Variants in ROBO2 observed in about 807,000 individuals in gnomAD.
ROBO2 encodes the protein roundabout homolog 2.
In ROBO2, 53 loss-of-function variants were observed where a neutral mutation model predicts 160.8. That is an observed-to-expected ratio of 0.33 (90% CI 0.26 to 0.41). The LOEUF is 0.41. Ranked by LOEUF, ROBO2 falls within the 10% of genes least tolerant of loss-of-function variation. ROBO2 has a pLI of 1.00. For missense variants in ROBO2, 1,577 were observed against 1,722.4 expected (o/e 0.92, Z 1.49); for synonymous variants, 664 against 611.7 (o/e 1.09, Z -1.26).
chr3:76,875,810 C>G (rs2072651889), intron 2 of ROBO2, among the ~76,000 whole-genome samples: 1 of 152,068 alleles, frequency 6.6e-6, no homozygotes, highest in Admixed American at 6.6e-5. Context: ...CCTGCTACCA[C>G]ATCCTGTTAA....
In ROBO2 at chr3:75,974,793, T is replaced by A. The variant is rs573561219; in HGVS notation, c.109+37191T>A. 8.6e-4 allele frequency among the ~76,000 whole-genome samples: 130 copies of A among 151,692 alleles called. 1 individual carries two copies. The highest frequency in any genetic ancestry group is 3.0e-3 in the African/African-American group (124 of 41,494). On this transcript the variant is annotated intron_variant, in intron 2 of 26. Transcript: ENST00000487694. ...GAGGCAGTTTTGAGAGGCTAAAATA[T>A]GTAGATACATTTACTTTCACAACTT...
intron 2 of ROBO2, among the ~76,000 whole-genome samples, chr3:76,938,801 C>T (rs1255144454): frequency 3.9e-5 from 6 of 151,982 alleles, no homozygotes; most frequent in Non-Finnish European, 7.4e-5. Flanking sequence ...GAAACCCCGT[C>T]TCTACTAAAA....
chr3:77,501,001 A>G (rs1281124326), intron 5 of ROBO2, among the ~76,000 whole-genome samples: 1 of 152,206 alleles, frequency 6.6e-6, no homozygotes, highest in Non-Finnish European at 1.5e-5. Context: ...CAGAGCCAAG[A>G]CCAGGTGCCA....
chr3:76,007,536 CT>C (rs2066058603), intron 2 of ROBO2, among the ~76,000 whole-genome samples: 1 of 152,006 alleles, frequency 6.6e-6, no homozygotes, highest in African/African-American at 2.4e-5. Flanking sequence ...CAGAGATAAT[CT>C]TAAAAATGCT....
intron 2 of ROBO2, among the ~76,000 whole-genome samples, chr3:77,008,255 G>T (rs1425577724): frequency 6.6e-6 from 1 of 152,050 alleles, no homozygotes; most frequent in African/African-American, 2.4e-5. Flanking sequence ...CTGTGTAATT[G>T]GTGTTACAAA....
chr3:75,979,225 G>T (rs567040412), intron 2 of ROBO2, among the ~76,000 whole-genome samples: 92 of 151,686 alleles, frequency 6.1e-4, no homozygotes, highest in Non-Finnish European at 8.7e-4. Context: ...TATCATACTA[G>T]GATGGCATCA....
chr3:76,773,012 C>G (rs2062009673), intron 2 of ROBO2, among the ~76,000 whole-genome samples: 2 of 150,924 alleles, frequency 1.3e-5, no homozygotes, highest in Non-Finnish European at 3.0e-5. Flanking sequence ...ATTTAAATAC[C>G]ATAACCAATG....
intron 1 of ROBO2, among the ~76,000 whole-genome samples, chr3:75,914,180 T>C (rs987662883): frequency 2.0e-5 from 3 of 152,202 alleles, no homozygotes; most frequent in African/African-American, 7.2e-5. Flanking sequence ...CAGGGAGCAT[T>C]GTCCTTCCTA....
intron 2 of ROBO2, among the ~76,000 whole-genome samples, chr3:76,540,146 A>T (rs376191625): frequency 1.3e-5 from 2 of 152,140 alleles, no homozygotes; most frequent in South Asian, 4.1e-4. Flanking sequence ...AAGAGACAAA[A>T]CTCCAGTGAA....
chr3:76,243,007 G>A (rs796091983), intron 2 of ROBO2, among the ~76,000 whole-genome samples: 83 of 152,256 alleles, frequency 5.5e-4, no homozygotes, highest in African/African-American at 1.9e-3. Flanking sequence ...CGATTCCCCC[G>A]CTTCTAGGCC....
At chr3:76,589,333 G>A (rs1192531357) in intron 2 of ROBO2, among the ~76,000 whole-genome samples, 2 of 151,934 alleles carry the variant, frequency 1.3e-5, no homozygotes, top group East Asian at 1.9e-4. Flanking sequence ...GGCGTCTGGC[G>A]CTGTCACCCA....
chr3:77,437,318 C>A (rs189441878), intron 2 of ROBO2, among the ~76,000 whole-genome samples: 1 of 151,980 alleles, frequency 6.6e-6, no homozygotes, highest in East Asian at 1.9e-4. Flanking sequence ...TTTAAATAAG[C>A]TCAAAATGTT....
chr3:77,165,124 G>T (rs1356673791), intron 2 of ROBO2, among the ~76,000 whole-genome samples: 2 of 151,902 alleles, frequency 1.3e-5, no homozygotes, highest in Non-Finnish European at 2.9e-5. Flanking sequence ...TGGAAAGGGG[G>T]GAAAGGCGGG....
intron 2 of ROBO2, among the ~76,000 whole-genome samples, chr3:76,979,694 T>C (rs1359904613): frequency 6.6e-6 from 1 of 151,440 alleles, no homozygotes; most frequent in Non-Finnish European, 1.5e-5. Flanking sequence ...CTGGAATGAA[T>C]GATAGTTAAT....
At chr3:77,088,513 C>T (rs1409675897) in intron 1 of ROBO2, among the ~76,000 whole-genome samples, 3 of 152,166 alleles carry the variant, frequency 2.0e-5, no homozygotes, top group South Asian at 2.1e-4. Flanking sequence ...GTATTAACCC[C>T]GTAAGCATTA....
chr3:77,033,843 G>A (rs1003715615), intron 2 of ROBO2, among the ~76,000 whole-genome samples: 4 of 151,912 alleles, frequency 2.6e-5, no homozygotes, highest in African/African-American at 4.8e-5. Flanking sequence ...TAGATGAAGT[G>A]TAAATTTATT....
At chr3:76,273,591 C>T (rs1042279292) in intron 2 of ROBO2, among the ~76,000 whole-genome samples, 1 of 151,998 alleles carries the variant, frequency 6.6e-6, no homozygotes, top group Non-Finnish European at 1.5e-5. Flanking sequence ...AGAGAAGTGC[C>T]GAGCAAAAGT....
intron 2 of ROBO2, among the ~76,000 whole-genome samples, chr3:77,336,189 C>T (rs1306590826): frequency 6.6e-6 from 1 of 151,966 alleles, no homozygotes; most frequent in African/African-American, 2.4e-5. Flanking sequence ...TTGGAGGGCC[C>T]CTTTGGACTT....
chr3:77,025,174 T>C (rs1377431739), intron 2 of ROBO2, among the ~76,000 whole-genome samples: 1 of 152,192 alleles, frequency 6.6e-6, no homozygotes, highest in African/African-American at 2.4e-5. Context: ...ACGTTATTTC[T>C]TTCAATTTTT....
Sources: gnomAD v4.1 joint callset for allele counts (sites outside exome capture counted in the v4.1 genomes callset) on GRCh38, gnomAD v4.1.1 for gene constraint, MANE v1.5 for transcripts, NCBI Gene and HGNC (gene_info 2026-07-23, HGNC 2026-07-21) for gene names.